The following KIF21A variants were observed in gnomAD, a reference collection of about 807,000 sequenced individuals.
KIF21A encodes the protein kinesin family member 21A, also known as kinesin-like protein KIF21A.
Under a neutral mutation model 202.9 loss-of-function variants are expected in KIF21A, and 114 were observed. That is an observed-to-expected ratio of 0.56 (90% confidence interval 0.48 to 0.66). The LOEUF is 0.66. KIF21A is among the 30% of genes least tolerant of loss of function. The pLI, the probability that KIF21A is intolerant of heterozygous loss-of-function variation, is 0.00. For missense variants in KIF21A, 1,677 were observed against 1,994.9 expected (o/e 0.84, Z 3.04); for synonymous variants, 667 against 670.8 (o/e 0.99, Z 0.09).
intron 1 of KIF21A, among the ~76,000 whole-genome samples, chr12:39,378,073 C>A (rs922217977): frequency 1.3e-5 from 2 of 152,276 alleles, no homozygotes; most frequent in Admixed American, 1.3e-4. Flanking sequence ...CTAGACTACA[C>A]TACTCAGTCT....
chr12:39,325,820 T>C lies in KIF21A; in HGVS notation c.3456+19A>G, dbSNP rs377479142. On this transcript the variant is annotated intron_variant, in intron 26 of 37. Transcript: ENST00000361418. ...AATGGTGTAAAACATGTTTACCTGA[T>C]ACTTTTAGTTCTCCTTACCTTGTTC... 293 of 1,571,722 alleles carry C rather than the reference T, an allele frequency of 1.9e-4. 1 individual carries two copies. The highest frequency in any genetic ancestry group is 2.4e-4 in the Non-Finnish European group (277 of 1,141,710).
In KIF21A at chr12:39,337,223, C is replaced by T. The variant is rs371190835; in HGVS notation, c.2311-20G>A. On this transcript the variant is annotated intron_variant, in intron 16 of 37. Transcript: ENST00000361418. Reference sequence around the variant, plus strand: ...GCGAACCTAACCAATTAGGTATAGACATCTATTGAAATTACTCTGTCACAA... The same window carrying T: ...GCGAACCTAACCAATTAGGTATAGATATCTATTGAAATTACTCTGTCACAA... 6.9e-6 allele frequency: 10 copies of T among 1,456,328 alleles called. No individual in the cohort carries two copies. The African/African-American group carries it at 1.3e-4, about 18-fold the overall frequency. 90.2% of individuals were successfully genotyped at this position (1,456,328 alleles called of 1,614,324 possible).
At chr12:39,305,496 A>G (rs950241541) in intron 34 of KIF21A, among the ~76,000 whole-genome samples, 2 of 151,752 alleles carry the variant, frequency 1.3e-5, no homozygotes, top group African/African-American at 4.8e-5. Flanking sequence ...CAATCCTCCC[A>G]CCTCAACTTC....
At chr12:39,407,257 C>T (rs764058913) in intron 1 of KIF21A, among the ~76,000 whole-genome samples, 12 of 152,108 alleles carry the variant, frequency 7.9e-5, no homozygotes, top group East Asian at 1.9e-4. Context: ...ATAAAATTAC[C>T]GTGAAGTTTA....
intron 1 of KIF21A, among the ~76,000 whole-genome samples, chr12:39,433,303 T>C (rs954889982): frequency 6.6e-6 from 1 of 152,150 alleles, no homozygotes; most frequent in Non-Finnish European, 1.5e-5. Context: ...AGTCTTTATA[T>C]AAGTTCTATT....
intron 28 of KIF21A, among the ~76,000 whole-genome samples, chr12:39,318,625 G>A (rs902076129): frequency 6.6e-6 from 1 of 152,164 alleles, no homozygotes; most frequent in African/African-American, 2.4e-5. Flanking sequence ...TTATTCTTGA[G>A]AGATTTAATT....
intron 1 of KIF21A, among the ~76,000 whole-genome samples, chr12:39,431,197 C>T (rs1937845664): frequency 6.6e-6 from 1 of 152,172 alleles, no homozygotes; most frequent in Admixed American, 6.5e-5. Context: ...TAGAACAGAT[C>T]AGTGCCAGCC....
chr12:39,299,159 ATAGAG>A (rs1300660210), intron 37 of KIF21A, among the ~76,000 whole-genome samples: 2 of 152,106 alleles, frequency 1.3e-5, no homozygotes, highest in African/African-American at 2.4e-5. Flanking sequence ...GAAACTATCA[ATAGAG>A]TAAACAGACA....
At chr12:39,336,547 T>G (rs1057396711) in intron 17 of KIF21A, among the ~76,000 whole-genome samples, 1 of 152,204 alleles carries the variant, frequency 6.6e-6, no homozygotes, top group Admixed American at 6.5e-5. Context: ...TTTTTACTTT[T>G]TTCACAATTA....
chr12:39,321,658 G>A (rs1486076652), intron 27 of KIF21A: 3 of 152,128 alleles, frequency 2.0e-5, no homozygotes, highest in Non-Finnish European at 4.4e-5. Context: ...ATACTGAATG[G>A]AAAACAATGG....
At chr12:39,296,055 A>T (rs1591991002) in intron 37 of KIF21A, among the ~76,000 whole-genome samples, 1 of 138,104 alleles carries the variant, frequency 7.2e-6, no homozygotes. Flanking sequence ...AAAGCATTCT[A>T]AGTGCTTGGG....
chr12:39,338,162 A>G (rs1269122216), intron 16 of KIF21A, among the ~76,000 whole-genome samples: 1 of 152,186 alleles, frequency 6.6e-6, no homozygotes, highest in Admixed American at 6.5e-5. Flanking sequence ...GGGGAGGTGA[A>G]GACGGTGATA....
At chr12:39,394,293 A>G (rs1951577192) in intron 1 of KIF21A, among the ~76,000 whole-genome samples, 1 of 152,182 alleles carries the variant, frequency 6.6e-6, no homozygotes, top group South Asian at 2.1e-4. Flanking sequence ...AATTTCACCT[A>G]ATTTAAACTT....
chr12:39,302,915 AG>A (rs764709109), intron 36 of KIF21A, 49 bp downstream of exon 36: 3 of 1,461,578 alleles, frequency 2.1e-6, no homozygotes, highest in South Asian at 2.3e-5. Context: ...TACAGGCTAC[AG>A]GATTGTGTTG....
chr12:39,420,074 TAAAAAAAAAA>T (rs72435342), intron 1 of KIF21A, among the ~76,000 whole-genome samples: 1 of 83,126 alleles, frequency 1.2e-5, no homozygotes, highest in African/African-American at 4.4e-5. Flanking sequence ...AGACAGAAAG[TAAAAAAAAAA>T]AAAAAAAAAA....
At chr12:39,370,749 C>A (rs1949900191) in intron 1 of KIF21A, among the ~76,000 whole-genome samples, 1 of 151,894 alleles carries the variant, frequency 6.6e-6, no homozygotes, top group African/African-American at 2.4e-5. Flanking sequence ...GTTTCTGAAC[C>A]TATTTGACCA....
chr12:39,353,753 T>C (rs761711194), intron 10 of KIF21A, among the ~76,000 whole-genome samples: 58 of 152,158 alleles, frequency 3.8e-4, no homozygotes, highest in Non-Finnish European at 7.5e-4. Flanking sequence ...CAATGAGTCT[T>C]TGATCTAGTG....
intron 1 of KIF21A, among the ~76,000 whole-genome samples, chr12:39,409,582 T>A (rs999044642): frequency 6.6e-6 from 1 of 151,244 alleles, no homozygotes; most frequent in Non-Finnish European, 1.5e-5. Flanking sequence ...GAATATTTCA[T>A]AATGATAACA....
At chr12:39,353,320 T>C (rs1467649278) in intron 10 of KIF21A, among the ~76,000 whole-genome samples, 2 of 151,866 alleles carry the variant, frequency 1.3e-5, no homozygotes, top group Non-Finnish European at 2.9e-5. Flanking sequence ...CCACCCCACC[T>C]GGTCCTACAC....
Sources: allele counts gnomAD v4.1 joint callset (sites outside exome capture counted in the v4.1 genomes callset), GRCh38; gene constraint gnomAD v4.1.1; transcripts MANE v1.5; gene names NCBI Gene and HGNC (gene_info 2026-07-23, HGNC 2026-07-21).